NFAT5: variants seen among roughly 807,000 people sequenced by gnomAD.
The protein encoded by NFAT5 is nuclear factor of activated T-cells 5.
A neutral mutation model predicts 166.5 loss-of-function variants in NFAT5; 31 were observed. The observed-to-expected ratio is 0.19, with a 90% CI of 0.14 to 0.25. The LOEUF is 0.25. NFAT5 is among the 10% of genes least tolerant of loss of function. The probability of loss-of-function intolerance (pLI) is 1.00; values close to 1 mark genes in which losing one functional copy is unlikely to be tolerated. For synonymous variants in NFAT5, 612 were observed against 639.7 expected (o/e 0.96, Z 0.65); for missense variants, 1,449 against 1,821.8 (o/e 0.80, Z 3.72).
intron 2 of NFAT5, among the ~76,000 whole-genome samples, chr16:69,595,279 T>G (rs1027068939): frequency 6.6e-6 from 1 of 152,220 alleles, no homozygotes. Context: ...CTTATAATGA[T>G]GTAAGATGAT....
chr16:69,677,462 T>C (rs930369389), intron 10 of NFAT5, 127 bp downstream of exon 10: 11 of 722,762 alleles, frequency 1.5e-5, no homozygotes, highest in Admixed American at 1.1e-4. Flanking sequence ...TTAGTTTCTT[T>C]TGGAAATGAC....
At chr16:69,579,705 G>A (rs997417100) in intron 2 of NFAT5, among the ~76,000 whole-genome samples, 1 of 152,144 alleles carries the variant, frequency 6.6e-6, no homozygotes. Context: ...ATGCACAGAA[G>A]TGCTATTTTT....
rs138768946 is a variant in NFAT5 at position 69,671,432 on chromosome 16, G to A, written c.1557+1144G>A. 9.2e-5 allele frequency among the ~76,000 whole-genome samples: 14 copies of A among 152,312 alleles called. No homozygotes were observed. In the South Asian group the frequency reaches 1.4e-3, roughly 16 times the overall value. ...TGTCGCCAGGCTGGCATACAGTGGCGCGATTTCAGCTCACTGCAACCTCTG... is the reference window on the plus strand; with the variant it reads ...TGTCGCCAGGCTGGCATACAGTGGCACGATTTCAGCTCACTGCAACCTCTG... On this transcript the variant is annotated intron_variant, in intron 9 of 14. Coordinates refer to ENST00000349945, the MANE Select transcript of NFAT5 (RefSeq NM_138713.4).
In NFAT5 at chr16:69,667,633, A is replaced by G. The variant is rs1030224021; in HGVS notation, c.1370-2344A>G. 1.1e-4 allele frequency among the ~76,000 whole-genome samples: 16 copies of G among 152,262 alleles called. 2 individuals are homozygous for G. Among genetic ancestry groups the G allele is most frequent in the East Asian group, 3.9e-4 (2 of 5,194 alleles). Reference sequence around the variant, plus strand: ...TTAACAAATAAATTTAAAAAATGAGATATGGGAAAAAGTTTTATCAGTAAT... The same window carrying G: ...TTAACAAATAAATTTAAAAAATGAGGTATGGGAAAAAGTTTTATCAGTAAT... On this transcript the variant is annotated intron_variant, in intron 7 of 14. Transcript: ENST00000349945.
chr16:69,569,015 G>C (rs1449066734), intron 2 of NFAT5, among the ~76,000 whole-genome samples: 1 of 152,130 alleles, frequency 6.6e-6, no homozygotes, highest in African/African-American at 2.4e-5. Flanking sequence ...TTATACTTAA[G>C]GGTAAGGAAA....
At chr16:69,596,435 G>GAA (rs1164281705) in intron 2 of NFAT5, among the ~76,000 whole-genome samples, 2 of 152,036 alleles carry the variant, frequency 1.3e-5, no homozygotes, top group East Asian at 3.9e-4. Flanking sequence ...AAAAAGAAAA[G>GAA]AAGGCCGGGT....
chr16:69,585,847 G>A (rs913234481), intron 2 of NFAT5, among the ~76,000 whole-genome samples: 16 of 152,194 alleles, frequency 1.1e-4, no homozygotes, highest in Non-Finnish European at 2.4e-4. Context: ...GTTACCAGGA[G>A]CTGGGGGTTG....
At chr16:69,568,379 T>C (rs2016232555) in intron 1 of NFAT5, 116 bp from the exon 2 acceptor site, 1 of 206,490 alleles carries the variant, frequency 4.8e-6, no homozygotes, top group South Asian at 8.2e-5. Flanking sequence ...TGTGTGTGTA[T>C]ATATATATAT....
chr16:69,617,450 T>C (rs750777026), intron 2 of NFAT5, among the ~76,000 whole-genome samples: 3 of 152,024 alleles, frequency 2.0e-5, no homozygotes, highest in Non-Finnish European at 2.9e-5. Flanking sequence ...TATATTCCAT[T>C]CTGTCTTTCA....
At chr16:69,610,031 G>A (rs552032513) in intron 2 of NFAT5, among the ~76,000 whole-genome samples, 2 of 151,974 alleles carry the variant, frequency 1.3e-5, no homozygotes, top group East Asian at 1.9e-4. Flanking sequence ...CAGATAGAGC[G>A]AGTGTCTTGT....
chr16:69,655,137 T>G (rs1597479096), intron 5 of NFAT5, among the ~76,000 whole-genome samples: 1 of 152,188 alleles, frequency 6.6e-6, no homozygotes, highest in Non-Finnish European at 1.5e-5. Flanking sequence ...AAAATGAGCT[T>G]CATTTCCTTC....
chr16:69,606,665 G>C (rs1019854054), intron 2 of NFAT5, among the ~76,000 whole-genome samples: 4 of 152,088 alleles, frequency 2.6e-5, no homozygotes, highest in African/African-American at 9.7e-5. Context: ...AACCAGCCTG[G>C]CCAACATAAT....
chr16:69,660,156 G>A (rs1313828885), intron 7 of NFAT5, among the ~76,000 whole-genome samples: 1 of 152,170 alleles, frequency 6.6e-6, no homozygotes, highest in East Asian at 1.9e-4. Flanking sequence ...ATTTGGACCA[G>A]ACAGGGTGGC....
At position 69,566,279 on chromosome 16, in the gene NFAT5, G is replaced by T; in HGVS notation, c.-23G>T. The T allele has an allele frequency of 6.3e-7, 1 of 1,592,692 alleles. No homozygotes were observed. On this transcript the variant is annotated 5_prime_UTR_variant, in exon 1 of 15. Transcript: ENST00000349945. This position sits in a 1 kb window ranked among gnomAD's most constrained non-coding sequence, Gnocchi z 5.7. The stretch of plus-strand genomic sequence containing the variant: ...CCGCTCCCCCCCTCCCGCTGCCCTC[G>T]GGCCGGGCTGGGTCGAGCTGCGATG...
intron 2 of NFAT5, among the ~76,000 whole-genome samples, chr16:69,577,767 C>T (rs570728404): frequency 1.3e-5 from 2 of 152,186 alleles, no homozygotes; most frequent in South Asian, 2.1e-4. Flanking sequence ...AAAATGGGTG[C>T]ATTTCTATAC....
At position 69,623,401 on chromosome 16, in the gene NFAT5, C is replaced by T. The variant is rs183571252; in HGVS notation, c.128-3002C>T. On this transcript the variant is annotated intron_variant, in intron 2 of 14. Coordinates refer to ENST00000349945, the MANE Select transcript of NFAT5 (RefSeq NM_138713.4). Reference sequence around the variant, plus strand: ...GAAGTGCAGTGGCACGATCTCGACTCACTGCAACCTCCGTCTCCTGGGTTC... The same window carrying T: ...GAAGTGCAGTGGCACGATCTCGACTTACTGCAACCTCCGTCTCCTGGGTTC... Among the ~76,000 whole-genome samples the T allele has an allele frequency of 4.6e-4, 69 of 151,482 alleles. 1 individual carries two copies. The highest frequency in any genetic ancestry group is 3.4e-3 in the Middle Eastern group (1 of 292).
chr16:69,635,851 G>A (rs1348182707), intron 3 of NFAT5, among the ~76,000 whole-genome samples: 2 of 152,026 alleles, frequency 1.3e-5, no homozygotes, highest in East Asian at 3.9e-4. Context: ...ACATCATTCT[G>A]CCCCTGGCCC....
At chr16:69,568,938 T>A (rs564783394) in intron 2 of NFAT5, among the ~76,000 whole-genome samples, 21 of 152,336 alleles carry the variant, frequency 1.4e-4, no homozygotes, top group African/African-American at 5.1e-4. Flanking sequence ...TTAGAACATT[T>A]ATATGCTGAG....
chr16:69,645,550 A>G (rs560262461), intron 3 of NFAT5, among the ~76,000 whole-genome samples: 22 of 152,238 alleles, frequency 1.4e-4, no homozygotes, highest in Admixed American at 2.6e-4. Context: ...CATGTTTTCA[A>G]TTGAAAAAAA....
Sources: allele counts gnomAD v4.1 joint callset (sites outside exome capture counted in the v4.1 genomes callset), GRCh38; gene constraint gnomAD v4.1.1; non-coding constraint Gnocchi (gnomAD v3.1); transcripts MANE v1.5; gene names NCBI Gene and HGNC (gene_info 2026-07-23, HGNC 2026-07-21).